Variants in SULT6B1 observed in about 807,000 individuals in gnomAD.
The protein encoded by SULT6B1 is sulfotransferase 6B1.
A neutral mutation model predicts 37.2 loss-of-function variants in SULT6B1; 44 were observed. That is an observed-to-expected ratio of 1.18 (90% CI 0.93 to 1.52). The LOEUF is 1.52. Ranked by LOEUF, SULT6B1 falls within the 40% of genes most tolerant of loss-of-function variation. SULT6B1 has a pLI of 0.00. For missense variants in SULT6B1, 450 were observed against 361.0 expected (o/e 1.25, Z -2.00); for synonymous variants, 140 against 126.0 (o/e 1.11, Z -0.74).
At chr2:37,177,457 A>AATACAGG (rs1558446971) in intron 4 of SULT6B1, among the ~76,000 whole-genome samples, 1 of 148,914 alleles carries the variant, frequency 6.7e-6, no homozygotes, top group African/African-American at 2.5e-5. Context: ...AAAAGAGAAG[A>AATACAGG]ATACAGCATG....
At chr2:37,190,606 G>A (rs1447175917), upstream of SULT6B1, among the ~76,000 whole-genome samples, 1 of 152,200 alleles carries the variant, frequency 6.6e-6, no homozygotes, top group Non-Finnish European at 1.5e-5. Context: ...AGAGGTGAGG[G>A]TTGGCGGGAG....
chr2:37,185,558 AAT>A (rs1327499265), intron 2 of SULT6B1, among the ~76,000 whole-genome samples: 1 of 151,960 alleles, frequency 6.6e-6, no homozygotes, highest in Non-Finnish European at 1.5e-5. Flanking sequence ...CTCTACTAAA[AAT>A]ACAAAACATT....
At position 37,187,403 on chromosome 2, in the gene SULT6B1, T is replaced by C. The variant is rs1676696903; in HGVS notation, c.264A>G (p.Lys88=). Reference sequence around the variant, plus strand: ...ATTCAAGAACTGGGAATTCTGGATATTTATACTTTTTTTTAGAAACAGCAT... The same window carrying C: ...ATTCAAGAACTGGGAATTCTGGATACTTATACTTTTTTTTAGAAACAGCAT... The part of the protein sequence containing the change: ...LIYAVSKKKY[K]YPEFPVLECG... Residue 88 remains lysine, a synonymous_variant, in exon 2 of 7, where the codon AAA becomes AAG. Transcript: ENST00000535679. The C allele has an allele frequency of 6.2e-7, 1 of 1,609,218 alleles. No individual in the cohort carries two copies. The highest frequency in any genetic ancestry group is 1.3e-5 in the African/African-American group (1 of 74,886).
intron 5 of SULT6B1, among the ~76,000 whole-genome samples, chr2:37,172,841 T>G (rs963603690): frequency 6.7e-6 from 1 of 148,860 alleles, no homozygotes; most frequent in Non-Finnish European, 1.5e-5. Context: ...TTTGTTTGTT[T>G]GTTTTTGGTT....
intron 2 of SULT6B1, among the ~76,000 whole-genome samples, chr2:37,184,383 T>C (rs972595251): frequency 6.6e-6 from 1 of 152,250 alleles, no homozygotes; most frequent in African/African-American, 2.4e-5. Context: ...TGATTGATTC[T>C]TTTTCTGTAA....
At chr2:37,172,301 A>C (rs1676321643) in intron 5 of SULT6B1, among the ~76,000 whole-genome samples, 3 of 152,104 alleles carry the variant, frequency 2.0e-5, no homozygotes, top group Admixed American at 6.6e-5. Context: ...CATAATGTGA[A>C]TCTCCAAGAG....
At chr2:37,185,872 C>G (rs991916382) in intron 2 of SULT6B1, among the ~76,000 whole-genome samples, 3 of 152,048 alleles carry the variant, frequency 2.0e-5, no homozygotes, top group Admixed American at 6.6e-5. Flanking sequence ...TATTTCCTAC[C>G]TAGGTCAAAG....
intron 5 of SULT6B1, among the ~76,000 whole-genome samples, chr2:37,173,388 C>T (rs1676346720): frequency 6.6e-6 from 1 of 152,216 alleles, no homozygotes; most frequent in African/African-American, 2.4e-5. Context: ...TATCTATATA[C>T]CTACGTATAT....
chr2:37,178,028 C>T (rs1208556438), intron 4 of SULT6B1, among the ~76,000 whole-genome samples: 1 of 152,074 alleles, frequency 6.6e-6, no homozygotes, highest in Non-Finnish European at 1.5e-5. Context: ...CTGCCACTTA[C>T]AAGCAATGGC....
At chr2:37,179,695 A>G in intron 3 of SULT6B1, 111 bp from the exon 4 acceptor site, 1 of 946,298 alleles carries the variant, frequency 1.1e-6, no homozygotes, top group Non-Finnish European at 1.5e-6. Context: ...AATTGTGTTA[A>G]TATATAGAGA....
chr2:37,190,343 C>A (rs1484004481), upstream of SULT6B1, among the ~76,000 whole-genome samples: 2 of 152,184 alleles, frequency 1.3e-5, no homozygotes, highest in East Asian at 3.8e-4. Flanking sequence ...TTTCTCTTAA[C>A]CAATGTTAAC....
upstream of SULT6B1, among the ~76,000 whole-genome samples, chr2:37,190,435 T>C (rs1572468229): frequency 6.6e-6 from 1 of 152,228 alleles, no homozygotes; most frequent in East Asian, 1.9e-4. Context: ...GTAGCTAACA[T>C]TATTGAGTAC....
chr2:37,174,339 A>T (rs549700373), intron 5 of SULT6B1, among the ~76,000 whole-genome samples: 1 of 141,596 alleles, frequency 7.1e-6, no homozygotes, highest in Non-Finnish European at 1.5e-5. Flanking sequence ...GGCTCAAGTG[A>T]TCCTCCTGTC....
intron 5 of SULT6B1, among the ~76,000 whole-genome samples, chr2:37,172,904 G>C (rs757114758): frequency 6.6e-5 from 10 of 151,242 alleles, no homozygotes; most frequent in Admixed American, 2.7e-4. Context: ...CCACGCTGGA[G>C]TGCAATGGCA....
At chr2:37,186,646 C>A (rs770631010) in intron 2 of SULT6B1, among the ~76,000 whole-genome samples, 8 of 152,070 alleles carry the variant, frequency 5.3e-5, no homozygotes, top group Non-Finnish European at 8.8e-5. Flanking sequence ...AATCTCAGCA[C>A]TTTGGGAGGC....
At position 37,188,636 on chromosome 2, in the gene SULT6B1, G is replaced by A. The variant is rs947281269; in HGVS notation, c.5C>T (p.Ala2Val). M[A>V]DKSKFIEYID... The stretch of plus-strand genomic sequence containing the variant: ...GTATTCAATAAATTTGGATTTATCA[G>A]CCATGGTGGCTCCCTGTAAAAGAAC... Residue 2 changes from alanine to valine, a missense_variant, in exon 1 of 7, where the codon GCT (alanine) becomes GTT (valine). Transcript: ENST00000535679. 4 of 1,160,622 alleles carry A rather than the reference G, an allele frequency of 3.4e-6. No individual in the cohort carries two copies. Among genetic ancestry groups the A allele is most frequent in the Non-Finnish European group, 5.1e-6 (4 of 782,120 alleles). 71.9% of individuals were successfully genotyped at this position (1,160,622 alleles called of 1,614,324 possible).
intron 5 of SULT6B1, among the ~76,000 whole-genome samples, chr2:37,174,336 G>A (rs1049297444): frequency 3.5e-5 from 5 of 144,764 alleles, no homozygotes; most frequent in African/African-American, 1.3e-4. Flanking sequence ...TTAGGCTCAA[G>A]TGATCCTCCT....
intron 6 of SULT6B1, among the ~76,000 whole-genome samples, chr2:37,170,737 CA>C (rs10617061): frequency 0.44 from 41,496 of 93,532 alleles, 7,244 homozygotes; most frequent in East Asian, 0.7. Flanking sequence ...GATTCTGTCT[CA>C]AAAAAAAAAA....
At chr2:37,168,445 T>C (rs6734946) in intron 6 of SULT6B1, among the ~76,000 whole-genome samples, 52,503 of 152,124 alleles carry the variant, frequency 0.35, 10,221 homozygotes, top group East Asian at 0.84. Flanking sequence ...CGTGAGCTAC[T>C]GCGCCCAGCC....
Sources: gnomAD v4.1 joint callset for allele counts (sites outside exome capture counted in the v4.1 genomes callset) on GRCh38, gnomAD v4.1.1 for gene constraint, MANE v1.5 for transcripts, NCBI Gene and HGNC (gene_info 2026-07-23, HGNC 2026-07-21) for gene names.